Variants in GABRB3 observed in about 807,000 individuals in gnomAD.
GABRB3 encodes the protein gamma-aminobutyric acid receptor subunit beta-3.
In GABRB3, 14 loss-of-function variants were observed where a neutral mutation model predicts 52.1. The observed-to-expected ratio is 0.27, with a 90% CI of 0.18 to 0.42. The LOEUF (loss-of-function observed/expected upper bound fraction) is 0.42. GABRB3 is among the 10% of genes least tolerant of loss of function. GABRB3 has a pLI of 1.00. For missense variants in GABRB3, 307 were observed against 609.1 expected (o/e 0.50, Z 5.22); for synonymous variants, 260 against 232.3 (o/e 1.12, Z -1.08).
chr15:26,702,367 A>T (rs1349270667), intron 3 of GABRB3, among the ~76,000 whole-genome samples: 1 of 152,214 alleles, frequency 6.6e-6, no homozygotes, highest in Non-Finnish European at 1.5e-5. Flanking sequence ...AACCCTTGAG[A>T]TTCAACAATA....
At chr15:26,558,847 A>AAAAGAAAG (rs537158362) in intron 8 of GABRB3, among the ~76,000 whole-genome samples, 2 of 151,846 alleles carry the variant, frequency 1.3e-5, no homozygotes, top group East Asian at 3.9e-4. Flanking sequence ...TCAAAAAAAA[A>AAAAGAAAG]AAAGAAAGAA....
chr15:26,655,419 C>T (rs1212355958), intron 3 of GABRB3, among the ~76,000 whole-genome samples: 1 of 152,156 alleles, frequency 6.6e-6, no homozygotes, highest in South Asian at 2.1e-4. Context: ...GGGGTGAATG[C>T]ACATTTTATG....
chr15:26,561,235 C>T, intron 7 of GABRB3, 59 bp from the exon 8 acceptor site: 1 of 1,606,988 alleles, frequency 6.2e-7, no homozygotes, highest in Middle Eastern at 1.7e-4. Flanking sequence ...CTTCACTTTT[C>T]ACTTTCCTTT....
chr15:26,759,719 G>C (rs1320507350), intron 3 of GABRB3, among the ~76,000 whole-genome samples: 1 of 152,166 alleles, frequency 6.6e-6, no homozygotes, highest in Admixed American at 6.5e-5. Context: ...TGAACTCAAA[G>C]AATGTTAAGA....
chr15:26,717,064 A>T (rs1351145656), intron 3 of GABRB3, among the ~76,000 whole-genome samples: 1 of 128,836 alleles, frequency 7.8e-6, no homozygotes, highest in Non-Finnish European at 1.6e-5. Context: ...CCTCCCTCCG[A>T]TGACAGCCCA....
At chr15:26,741,261 A>C (rs1007495226) in intron 3 of GABRB3, among the ~76,000 whole-genome samples, 1 of 152,154 alleles carries the variant, frequency 6.6e-6, no homozygotes, top group African/African-American at 2.4e-5. Flanking sequence ...AGTTGCTTTC[A>C]GTGATTTCTA....
chr15:26,561,982 G>C (rs1246309797), intron 7 of GABRB3, among the ~76,000 whole-genome samples: 1 of 152,154 alleles, frequency 6.6e-6, no homozygotes, highest in Admixed American at 6.5e-5. Flanking sequence ...TCTTTACATA[G>C]TATTGTATGG....
intron 3 of GABRB3, among the ~76,000 whole-genome samples, chr15:26,719,834 C>A (rs916766640): frequency 1.3e-5 from 2 of 152,100 alleles, no homozygotes; most frequent in East Asian, 1.9e-4. Context: ...ATAGCATAAC[C>A]CCAAACCGGC....
intron 3 of GABRB3, among the ~76,000 whole-genome samples, chr15:26,694,609 T>C (rs1463116328): frequency 1.3e-5 from 2 of 152,222 alleles, no homozygotes; most frequent in African/African-American, 2.4e-5. Context: ...TAAAGACTGA[T>C]TTAACTTAGT....
chr15:26,609,085 CACACACACACACACACAT>C (rs1228959796), intron 4 of GABRB3, among the ~76,000 whole-genome samples: 235 of 78,532 alleles, frequency 3.0e-3, no homozygotes, highest in African/African-American at 9.9e-3. Context: ...TTTAATGATA[CACACACACACACACACAT>C]ACACACACAC....
At position 26,568,405 on chromosome 15, in the gene GABRB3, T is replaced by C. The variant is rs532236668; in HGVS notation, c.683-672A>G. Among the ~76,000 whole-genome samples, 8 of 152,272 alleles carry C rather than the reference T, an allele frequency of 5.3e-5. No individual in the cohort carries two copies. In the South Asian group the frequency reaches 1.5e-3, roughly 28 times the overall value. The stretch of plus-strand genomic sequence containing the variant: ...TTCCACTCAACACATTTTGGAATCC[T>C]ACCACCACCACCATGACAGAGTGAG... On this transcript the variant is annotated intron_variant, in intron 6 of 8. Coordinates refer to ENST00000311550, the MANE Select transcript of GABRB3 (RefSeq NM_000814.6).
chr15:26,658,827 TG>T (rs1309750577), intron 3 of GABRB3: 1 of 152,250 alleles, frequency 6.6e-6, no homozygotes, highest in African/African-American at 2.4e-5. Context: ...GCAAACATTC[TG>T]GAACTGCTAT....
intron 7 of GABRB3, among the ~76,000 whole-genome samples, chr15:26,565,393 C>A (rs1277095801): frequency 1.3e-5 from 2 of 152,086 alleles, no homozygotes; most frequent in Non-Finnish European, 2.9e-5. Context: ...ATCACAGCTG[C>A]CCTCTTGACC....
chr15:26,711,110 A>C (rs1391393133), intron 3 of GABRB3, among the ~76,000 whole-genome samples: 1 of 152,224 alleles, frequency 6.6e-6, no homozygotes, highest in Non-Finnish European at 1.5e-5. Context: ...TCTACAGCCA[A>C]TTCATCTGGC....
At chr15:26,552,918 T>C (rs1298072173) in intron 8 of GABRB3, among the ~76,000 whole-genome samples, 1 of 152,190 alleles carries the variant, frequency 6.6e-6, no homozygotes, top group African/African-American at 2.4e-5. Flanking sequence ...ACAAATATGC[T>C]TGGTACCCCA....
chr15:26,663,178 C>T (rs572545068), intron 3 of GABRB3, among the ~76,000 whole-genome samples: 1 of 152,160 alleles, frequency 6.6e-6, no homozygotes, highest in South Asian at 2.1e-4. Context: ...AGGCCTGCCT[C>T]GTGACCCCCT....
chr15:26,719,109 T>C (rs1467842415), intron 3 of GABRB3, among the ~76,000 whole-genome samples: 1 of 152,266 alleles, frequency 6.6e-6, no homozygotes, highest in Non-Finnish European at 1.5e-5. Context: ...CACATGCACA[T>C]CGGTCTGAAT....
intron 3 of GABRB3, chr15:26,625,094 T>A: frequency 5.6e-6 from 2 of 356,240 alleles, no homozygotes; most frequent in Non-Finnish European, 7.8e-6. Flanking sequence ...CAAACACTAG[T>A]AACCCGGGAT....
chr15:26,565,910 T>G (rs1890156208), intron 7 of GABRB3, among the ~76,000 whole-genome samples: 1 of 152,174 alleles, frequency 6.6e-6, no homozygotes, highest in African/African-American at 2.4e-5. Context: ...ATTTGTATAT[T>G]TCATATTATT....
Sources: gnomAD v4.1 joint callset for allele counts (sites outside exome capture counted in the v4.1 genomes callset) on GRCh38, gnomAD v4.1.1 for gene constraint, MANE v1.5 for transcripts, NCBI Gene and HGNC (gene_info 2026-07-23, HGNC 2026-07-21) for gene names.